The following KIDINS220 variants were observed in gnomAD, a reference collection of about 807,000 sequenced individuals.
KIDINS220 encodes kinase D-interacting substrate of 220 kDa.
Under a neutral mutation model 157.6 loss-of-function variants are expected in KIDINS220, and 63 were observed. The observed-to-expected ratio is 0.40, with a 90% confidence interval of 0.33 to 0.49. KIDINS220 has a LOEUF of 0.49. Among genes scored for constraint, KIDINS220 ranks in the 20% least tolerant of loss-of-function variants. KIDINS220 has a pLI of 0.66. For missense variants in KIDINS220, 1,772 were observed against 2,171.2 expected, an observed-to-expected ratio of 0.82 and a Z score of 3.65; for synonymous variants, 732 against 783.6, an observed-to-expected ratio of 0.93 and a Z score of 1.10.
At chr2:8,762,713 T>TTCA (rs1668925843) in intron 22 of KIDINS220, among the ~76,000 whole-genome samples, 1 of 151,960 alleles carries the variant, frequency 6.6e-6, no homozygotes, top group Non-Finnish European at 1.5e-5. Flanking sequence ...CACTCCAGGC[T>TTCA]GGGCGACAGA....
chr2:8,727,271 G>A, downstream of KIDINS220: 2 of 1,066,358 alleles, frequency 1.9e-6, no homozygotes, highest in Non-Finnish European at 2.3e-6. Context: ...CGTGCGCCTG[G>A]AAGAGAAGGT....
At position 8,789,956 on chromosome 2, in the gene KIDINS220, C is replaced by T. The variant is rs1558427838; in HGVS notation, c.1545G>A (p.Leu515=). The change falls in exon 14 of 30, where the codon TTG becomes TTA. Residue 515 remains leucine, a synonymous_variant. Coordinates refer to ENST00000256707, the MANE Select transcript of KIDINS220 (RefSeq NM_020738.4). ...TLLLCGGLGL[L]FAFTVHPNLG... ...GATTTGGGTGGACCGTGAAGGCAAA[C>T]AATAAACCAAGCCCTCCACAAAGTA... The T allele has an allele frequency of 6.2e-7, 1 of 1,613,876 alleles. No homozygotes were observed. Among genetic ancestry groups the T allele is most frequent in the East Asian group, 2.2e-5 (1 of 44,846 alleles).
chr2:8,779,356 T>C lies in KIDINS220; in HGVS notation c.2371-217A>G, dbSNP rs185026102. 1.5e-4 allele frequency among the ~76,000 whole-genome samples: 23 copies of C among 152,354 alleles called. No homozygotes were observed. The East Asian group carries it at 4.2e-3, about 28-fold the overall frequency. ...ATAAAACCTGCAAAGAAAATTAATA[T>C]TGTCCTTCTTTCAGACATTTACAGT... is the stretch of plus-strand genomic sequence containing the variant. On this transcript the variant is annotated intron_variant, in intron 18 of 29. Coordinates refer to ENST00000256707, the MANE Select transcript of KIDINS220 (RefSeq NM_020738.4).
intron 22 of KIDINS220, among the ~76,000 whole-genome samples, chr2:8,763,114 C>T (rs1668995296): frequency 6.6e-6 from 1 of 152,142 alleles, no homozygotes. Context: ...TAAAATCTAT[C>T]TGGAAATTAA....
At chr2:8,761,833 T>C (rs919214154) in intron 22 of KIDINS220, among the ~76,000 whole-genome samples, 1 of 152,242 alleles carries the variant, frequency 6.6e-6, no homozygotes, top group Non-Finnish European at 1.5e-5. Context: ...AGACATTTTC[T>C]TAGCATTTGA....
At chr2:8,753,938 G>C (rs1667688261) in intron 22 of KIDINS220, among the ~76,000 whole-genome samples, 1 of 152,122 alleles carries the variant, frequency 6.6e-6, no homozygotes, top group Non-Finnish European at 1.5e-5. Context: ...AGACAGAAAA[G>C]CCCTCTGAGA....
chr2:8,828,366 G>A (rs528286380), intron 1 of KIDINS220, among the ~76,000 whole-genome samples: 27 of 152,246 alleles, frequency 1.8e-4, no homozygotes, highest in African/African-American at 6.5e-4. Context: ...CTGTCACCCT[G>A]CACTCTCAAC....
intron 26 of KIDINS220, among the ~76,000 whole-genome samples, chr2:8,743,979 C>T (rs554396085): frequency 4.0e-5 from 6 of 150,976 alleles, no homozygotes; most frequent in Non-Finnish European, 8.8e-5. Context: ...CTCTATTATA[C>T]AATTATTTTT....
In KIDINS220 at chr2:8,731,533, G is replaced by T. The variant is rs1057149155; in HGVS notation, c.4503C>A (p.Ser1501Arg). 1.2e-6 allele frequency: 2 copies of T among 1,614,218 alleles called. No homozygotes were observed. Among genetic ancestry groups the T allele is most frequent in the African/African-American group, 1.3e-5 (1 of 75,048 alleles). The change falls in exon 30 of 30, where the codon AGC becomes AGA. Residue 1501 changes from serine (S) to arginine (R), a missense_variant. This residue lies in a region of KIDINS220 where 793 missense variants were observed against 885.5 expected (regional missense o/e 0.90). Coordinates refer to ENST00000256707, the MANE Select transcript of KIDINS220 (RefSeq NM_020738.4). This position sits in a 1 kb window ranked among gnomAD's most constrained non-coding sequence, Gnocchi z 5.2. ...LPGKKSSERS[S>R]LFQTDLKLKG... Reference sequence around the variant, plus strand: ...TAAGCTTCAAATCTGTCTGGAAGAGGCTTGACCTTTCGGAAGATTTCTTGC... The same window carrying T: ...TAAGCTTCAAATCTGTCTGGAAGAGTCTTGACCTTTCGGAAGATTTCTTGC...
At chr2:8,762,223 T>C (rs1156950896) in intron 22 of KIDINS220, among the ~76,000 whole-genome samples, 2 of 152,252 alleles carry the variant, frequency 1.3e-5, no homozygotes, top group African/African-American at 4.8e-5. Context: ...TGGAATGTTC[T>C]ATATACTTTT....
At chr2:8,792,328 G>GTCTCC (rs1342350634) in intron 12 of KIDINS220, among the ~76,000 whole-genome samples, 1 of 152,110 alleles carries the variant, frequency 6.6e-6, no homozygotes, top group Non-Finnish European at 1.5e-5. Flanking sequence ...AGTATGCCGG[G>GTCTCC]GGAGAGGAAT....
At chr2:8,732,631 A>G (rs919713873) in intron 29 of KIDINS220, among the ~76,000 whole-genome samples, 1 of 152,220 alleles carries the variant, frequency 6.6e-6, no homozygotes, top group Non-Finnish European at 1.5e-5. Context: ...AAGAAGGAGA[A>G]GAATCAAGAA....
chr2:8,791,394 C>A (rs929053285), intron 12 of KIDINS220, among the ~76,000 whole-genome samples, 170 bp from the exon 13 acceptor site: 5 of 152,148 alleles, frequency 3.3e-5, no homozygotes, highest in African/African-American at 1.2e-4. Flanking sequence ...TGGAAGGCTA[C>A]CTGATTTAAA....
intron 1 of KIDINS220, among the ~76,000 whole-genome samples, chr2:8,833,765 C>G (rs1679989667): frequency 6.6e-6 from 1 of 152,140 alleles, no homozygotes; most frequent in South Asian, 2.1e-4. Flanking sequence ...TGTCTTGCCA[C>G]CCGTTTTGAA....
rs73151234 is a variant in KIDINS220, at chr2:8,818,582, A to G, written c.207+113T>C. The G allele has an allele frequency of 6.9e-4, 433 of 624,652 alleles. 1 individual carries two copies. In the African/African-American group the frequency reaches 7.5e-3, roughly 11 times the overall value. The allele number at this position is 624,652 out of a possible 1,614,324, so 38.7% of individuals were successfully genotyped here. A position where few individuals can be genotyped will look rare whatever the true frequency, so the allele number is the denominator to read the frequency against. On this transcript the variant is annotated intron_variant, in intron 3 of 29. Transcript: ENST00000256707. ...AAAAACTGATATAGCCCACTAGGCA[A>G]AGTTGAAATATATGTAAAAGTTTTA...
At chr2:8,787,015 A>C (rs1672491047) in intron 15 of KIDINS220, among the ~76,000 whole-genome samples, 1 of 151,780 alleles carries the variant, frequency 6.6e-6, no homozygotes, top group African/African-American at 2.4e-5. Context: ...TTAAACTCTC[A>C]TCTCAGTCCA....
chr2:8,816,569 A>G (rs1168049935), intron 4 of KIDINS220, among the ~76,000 whole-genome samples: 7 of 152,214 alleles, frequency 4.6e-5, no homozygotes, highest in African/African-American at 1.4e-4. Context: ...CTTTATAGCC[A>G]CTGTGTCATT....
intron 17 of KIDINS220, among the ~76,000 whole-genome samples, chr2:8,780,549 GGTGTGT>G (rs371272570): frequency 1.3e-5 from 2 of 149,390 alleles, no homozygotes; most frequent in African/African-American, 4.9e-5. Context: ...TGTGGTGGGG[GGTGTGT>G]GTGTGTGTGT....
chr2:8,728,234 C>T (rs540502118), downstream of KIDINS220, among the ~76,000 whole-genome samples: 2 of 152,134 alleles, frequency 1.3e-5, no homozygotes, highest in African/African-American at 4.8e-5. Context: ...CCCAGCTACT[C>T]GGGAGGCTGA....
Sources: gnomAD v4.1 joint callset for allele counts (sites outside exome capture counted in the v4.1 genomes callset) on GRCh38, gnomAD v4.1.1 for gene constraint, gnomAD v4.1.1 regional missense constraint, Gnocchi (gnomAD v3.1) non-coding constraint, MANE v1.5 for transcripts, NCBI Gene and HGNC (gene_info 2026-07-23, HGNC 2026-07-21) for gene names.